Variants in PGBD5 observed in about 807,000 individuals in gnomAD.
The protein encoded by PGBD5 is piggyBac transposable element-derived protein 5.
A neutral mutation model predicts 47.9 loss-of-function variants in PGBD5; 14 were observed. The observed-to-expected ratio is 0.29, with a 90% CI of 0.19 to 0.46. The LOEUF (loss-of-function observed/expected upper bound fraction) is 0.46. Ranked by LOEUF, PGBD5 falls within the 20% of genes least tolerant of loss-of-function variation. The probability of loss-of-function intolerance (pLI) is 1.00; values close to 1 mark genes in which losing one functional copy is unlikely to be tolerated. For missense variants in PGBD5, 635 were observed against 716.0 expected (o/e 0.89, Z 1.29); for synonymous variants, 316 against 306.3 (o/e 1.03, Z -0.33).
intron 1 of PGBD5, among the ~76,000 whole-genome samples, chr1:230,423,108 C>T (rs1040036752): frequency 2.0e-5 from 3 of 152,070 alleles, no homozygotes; most frequent in East Asian, 3.9e-4. Flanking sequence ...CATACCCGCA[C>T]ATTTCCATAA....
intron 3 of PGBD5, 150 bp downstream of exon 3, chr1:230,350,808 C>G (rs1192957067): frequency 1.7e-6 from 2 of 1,167,730 alleles, no homozygotes; most frequent in Non-Finnish European, 2.3e-6. Flanking sequence ...CAGCCCAGCC[C>G]TGGCCTCCGC....
At chr1:230,356,051 A>T (rs1264909876) in intron 2 of PGBD5, among the ~76,000 whole-genome samples, 4 of 152,212 alleles carry the variant, frequency 2.6e-5, no homozygotes, top group African/African-American at 9.6e-5. Flanking sequence ...CAGGACAGAG[A>T]GATGTGCAGT....
At chr1:230,349,612 G>A (rs1667530376) in intron 3 of PGBD5, among the ~76,000 whole-genome samples, 1 of 150,766 alleles carries the variant, frequency 6.6e-6, no homozygotes, top group African/African-American at 2.4e-5. Flanking sequence ...CCCAATGCCT[G>A]GCACAATTGT....
chr1:230,384,273 C>G (rs1355370678), intron 1 of PGBD5, among the ~76,000 whole-genome samples: 1 of 152,090 alleles, frequency 6.6e-6, no homozygotes, highest in Non-Finnish European at 1.5e-5. Flanking sequence ...AATGTTGTGA[C>G]TCTGGATCAC....
chr1:230,353,211 G>A (rs1667585238), intron 2 of PGBD5, among the ~76,000 whole-genome samples: 1 of 152,152 alleles, frequency 6.6e-6, no homozygotes, highest in East Asian at 1.9e-4. Context: ...GGCTACACAT[G>A]GGTCAGCATT....
chr1:230,390,245 T>C, intron 1 of PGBD5, among the ~76,000 whole-genome samples: 1 of 152,100 alleles, frequency 6.6e-6, no homozygotes, highest in East Asian at 1.9e-4. Flanking sequence ...ATGGTGAGCC[T>C]CTATCTTCCA....
At chr1:230,338,627 C>CT (rs1487907621) in intron 3 of PGBD5, among the ~76,000 whole-genome samples, 2 of 152,040 alleles carry the variant, frequency 1.3e-5, no homozygotes, top group African/African-American at 4.8e-5. Context: ...GGTGAAACCC[C>CT]GTCTCTATTA....
At chr1:230,354,765 G>A (rs1404047917) in intron 2 of PGBD5, among the ~76,000 whole-genome samples, 3 of 152,100 alleles carry the variant, frequency 2.0e-5, no homozygotes, top group African/African-American at 2.4e-5. Context: ...ACATCTCTTC[G>A]GCTGCCCTGC....
chr1:230,420,781 A>G (rs896129657), intron 1 of PGBD5, among the ~76,000 whole-genome samples: 8 of 152,242 alleles, frequency 5.3e-5, no homozygotes, highest in African/African-American at 1.9e-4. Context: ...TATCAGCAGC[A>G]TGAAAATGGA....
At position 230,356,398 on chromosome 1, in the gene PGBD5, T is replaced by C. The variant is rs147941590; in HGVS notation, c.759+496A>G. Among the ~76,000 whole-genome samples the C allele has an allele frequency of 3.7e-3, 564 of 152,284 alleles. 3 individuals are homozygous for C. Among genetic ancestry groups the C allele is most frequent in the African/African-American group, 0.013 (539 of 41,558 alleles). The stretch of plus-strand genomic sequence containing the variant: ...ATCAGACCAGAGATGCCTGGAGCTC[T>C]GCCAAACCCTCATCCAACAGCTCTG... On this transcript the variant is annotated intron_variant, in intron 2 of 6. Coordinates refer to ENST00000391860, the MANE Select transcript of PGBD5 (RefSeq NM_001258311.2).
At chr1:230,396,044 C>T (rs1445706112) in intron 1 of PGBD5, among the ~76,000 whole-genome samples, 1 of 146,610 alleles carries the variant, frequency 6.8e-6, no homozygotes, top group Non-Finnish European at 1.5e-5. Context: ...CTTCCGTCTT[C>T]CCTTTGCTTC....
intron 6 of PGBD5, among the ~76,000 whole-genome samples, chr1:230,324,906 A>T (rs1667090638): frequency 6.6e-6 from 1 of 152,200 alleles, no homozygotes; most frequent in Non-Finnish European, 1.5e-5. Flanking sequence ...CTTGGGGTAG[A>T]AGTGCCCGAG....
intron 3 of PGBD5, among the ~76,000 whole-genome samples, chr1:230,344,765 T>C (rs1475042814): frequency 6.6e-6 from 1 of 152,182 alleles, no homozygotes; most frequent in Non-Finnish European, 1.5e-5. Context: ...CTAATGCCCA[T>C]CTACTTCCGG....
chr1:230,419,719 T>C (rs1288633021), intron 1 of PGBD5, among the ~76,000 whole-genome samples: 1 of 152,198 alleles, frequency 6.6e-6, no homozygotes, highest in Admixed American at 6.5e-5. Context: ...AAGGTACATT[T>C]CTGGAAGACT....
At chr1:230,400,897 G>C (rs1003608781) in intron 1 of PGBD5, among the ~76,000 whole-genome samples, 3 of 152,226 alleles carry the variant, frequency 2.0e-5, no homozygotes, top group African/African-American at 7.2e-5. Context: ...CTTGCAGTAA[G>C]TCAGGTTGAA....
intron 3 of PGBD5, among the ~76,000 whole-genome samples, chr1:230,345,226 T>C (rs1267773891): frequency 1.3e-5 from 2 of 152,356 alleles, no homozygotes; most frequent in South Asian, 4.1e-4. Context: ...CTTTTTGACA[T>C]TGTGGAGCCT....
At chr1:230,338,460 G>A (rs1309141372) in intron 3 of PGBD5, among the ~76,000 whole-genome samples, 1 of 152,190 alleles carries the variant, frequency 6.6e-6, no homozygotes, top group Non-Finnish European at 1.5e-5. Flanking sequence ...TCAGCTCCTG[G>A]GGGCAACATG....
intron 3 of PGBD5, among the ~76,000 whole-genome samples, chr1:230,344,240 A>G (rs1422898469): frequency 6.6e-6 from 1 of 151,900 alleles, no homozygotes; most frequent in Non-Finnish European, 1.5e-5. Flanking sequence ...AGCCGAGATC[A>G]CGCCACTACA....
intron 1 of PGBD5, among the ~76,000 whole-genome samples, chr1:230,415,649 A>G (rs937699584): frequency 1.3e-5 from 2 of 152,148 alleles, no homozygotes; most frequent in Non-Finnish European, 2.9e-5. Flanking sequence ...CAGATGACAG[A>G]CCTCAGTGAG....
Sources: gnomAD v4.1 joint callset for allele counts (sites outside exome capture counted in the v4.1 genomes callset) on GRCh38, gnomAD v4.1.1 for gene constraint, MANE v1.5 for transcripts, NCBI Gene and HGNC (gene_info 2026-07-23, HGNC 2026-07-21) for gene names.